CPEB3: variants seen among roughly 807,000 people sequenced by gnomAD.
CPEB3 encodes the protein cytoplasmic polyadenylation element-binding protein 3.
Under a neutral mutation model 67.2 loss-of-function variants are expected in CPEB3, and 20 were observed. That is an observed-to-expected ratio of 0.30 (90% CI 0.21 to 0.43). The LOEUF is 0.43. CPEB3 is among the 20% of genes least tolerant of loss of function. The pLI is 1.00. For missense variants in CPEB3, 746 were observed against 968.6 expected, an observed-to-expected ratio of 0.77 and a Z score of 3.05; for synonymous variants, 376 against 393.1, an observed-to-expected ratio of 0.96 and a Z score of 0.51.
rs144354899 is a variant in CPEB3, at chr10:92,215,260, C to A, written c.1006-22624G>T. The stretch of plus-strand genomic sequence containing the variant: ...TTCAACCTCCTGGGTTCAATCGATT[C>A]TCCTGCCTCTGCCTCCTAAGTAGCT... On this transcript the variant is annotated intron_variant, in intron 2 of 9. Transcript: ENST00000265997. Among the ~76,000 whole-genome samples, 259 of 149,072 alleles carry A rather than the reference C, an allele frequency of 1.7e-3. 1 individual carries two copies. The highest frequency in any genetic ancestry group is 3.8e-3 in the Middle Eastern group (1 of 266).
intron 1 of CPEB3, among the ~76,000 whole-genome samples, chr10:92,247,874 C>A (rs550103010): frequency 1.3e-5 from 2 of 152,092 alleles, no homozygotes; most frequent in African/African-American, 4.8e-5. Context: ...AAACCACTGC[C>A]CCCCATCCTT....
At chr10:92,142,520 T>C (rs888549886) in intron 6 of CPEB3, among the ~76,000 whole-genome samples, 3 of 152,186 alleles carry the variant, frequency 2.0e-5, no homozygotes, top group African/African-American at 4.8e-5. Context: ...AGCAAGGTCA[T>C]ATGGAGTGTC....
chr10:92,096,881 G>A (rs1166183767), intron 7 of CPEB3, among the ~76,000 whole-genome samples: 2 of 152,228 alleles, frequency 1.3e-5, no homozygotes, highest in Admixed American at 1.3e-4. Flanking sequence ...GGGAGGCAGA[G>A]GTTGCAGTGA....
At chr10:92,187,015 T>C (rs1419045158) in intron 3 of CPEB3, among the ~76,000 whole-genome samples, 1 of 152,168 alleles carries the variant, frequency 6.6e-6, no homozygotes, top group African/African-American at 2.4e-5. Flanking sequence ...AAAGAGACAG[T>C]ATATTTTTCT....
chr10:92,269,581 G>A (rs1853211486), intron 1 of CPEB3, among the ~76,000 whole-genome samples: 1 of 152,022 alleles, frequency 6.6e-6, no homozygotes, highest in Non-Finnish European at 1.5e-5. Flanking sequence ...TGTTTGTGAT[G>A]GAGTCTCGTT....
At chr10:92,073,897 A>G (rs903047422) in intron 9 of CPEB3, among the ~76,000 whole-genome samples, 11 of 152,202 alleles carry the variant, frequency 7.2e-5, no homozygotes, top group East Asian at 3.9e-4. Flanking sequence ...TCATGCCTAA[A>G]GTTAAGTCCA....
At chr10:92,242,888 C>T (rs1301190859) in intron 1 of CPEB3, among the ~76,000 whole-genome samples, 1 of 152,112 alleles carries the variant, frequency 6.6e-6, no homozygotes, top group African/African-American at 2.4e-5. Flanking sequence ...CAAGACCCAC[C>T]TTTAATAAAT....
At chr10:92,288,935 A>C (rs1355866834) in intron 1 of CPEB3, among the ~76,000 whole-genome samples, 1 of 152,160 alleles carries the variant, frequency 6.6e-6, no homozygotes, top group African/African-American at 2.4e-5. Context: ...AAGGAGCAAA[A>C]AATAATAATT....
At chr10:92,259,472 A>C (rs973212154) in intron 1 of CPEB3, among the ~76,000 whole-genome samples, 1 of 151,968 alleles carries the variant, frequency 6.6e-6, no homozygotes, top group Admixed American at 6.6e-5. Context: ...GTGGTGGCAC[A>C]TGCCTATAAT....
At chr10:92,100,604 T>C (rs975693703) in intron 7 of CPEB3, among the ~76,000 whole-genome samples, 2 of 151,016 alleles carry the variant, frequency 1.3e-5, no homozygotes, top group African/African-American at 4.9e-5. Context: ...TTTTTTGTTT[T>C]GTTTTGAGAC....
intron 1 of CPEB3, among the ~76,000 whole-genome samples, chr10:92,246,293 C>A (rs1852063306): frequency 6.7e-6 from 1 of 149,500 alleles, no homozygotes; most frequent in Admixed American, 6.7e-5. Flanking sequence ...AAGATCGCGC[C>A]ACTGCACTCC....
chr10:92,277,060 G>A (rs749853259), intron 1 of CPEB3, among the ~76,000 whole-genome samples: 11 of 152,008 alleles, frequency 7.2e-5, no homozygotes, highest in South Asian at 4.2e-4. Context: ...ATATATTCCC[G>A]TTCAGATATG....
intron 3 of CPEB3, among the ~76,000 whole-genome samples, chr10:92,181,944 T>C (rs1848479496): frequency 1.3e-5 from 2 of 152,184 alleles, no homozygotes; most frequent in Non-Finnish European, 2.9e-5. Context: ...TCATTAATTA[T>C]TTGGGACAAG....
At chr10:92,272,831 C>T (rs559139039) in intron 1 of CPEB3, among the ~76,000 whole-genome samples, 73 of 152,142 alleles carry the variant, frequency 4.8e-4, no homozygotes, top group Non-Finnish European at 7.8e-4. Context: ...AGGTGAGTAA[C>T]GTGATCAGGA....
chr10:92,110,988 C>G, intron 7 of CPEB3, 88 bp downstream of exon 7: 1 of 970,586 alleles, frequency 1.0e-6, no homozygotes, highest in Non-Finnish European at 1.7e-6. Flanking sequence ...TCCTAGTTAC[C>G]AGCATTTCCA....
At chr10:92,140,763 T>A (rs1232927834) in intron 6 of CPEB3, among the ~76,000 whole-genome samples, 3 of 118,692 alleles carry the variant, frequency 2.5e-5, no homozygotes, top group East Asian at 4.7e-4. Context: ...GAATCTACAA[T>A]GAACTCAAAC....
intron 1 of CPEB3, among the ~76,000 whole-genome samples, chr10:92,278,746 G>A (rs113095822): frequency 9.9e-5 from 15 of 151,474 alleles, no homozygotes; most frequent in African/African-American, 3.1e-4. Context: ...GATTACAGGC[G>A]CCCACCACCA....
At chr10:92,234,274 T>C (rs1851419402) in intron 2 of CPEB3, among the ~76,000 whole-genome samples, 4 of 152,160 alleles carry the variant, frequency 2.6e-5, no homozygotes, top group Middle Eastern at 3.2e-3. Flanking sequence ...CTTCCTATTT[T>C]GGGACTTTGA....
At chr10:92,109,488 G>A (rs184932969) in intron 7 of CPEB3, among the ~76,000 whole-genome samples, 383 of 152,102 alleles carry the variant, frequency 2.5e-3, no homozygotes, top group African/African-American at 3.9e-3. Context: ...TCCTGACCTC[G>A]TGATCCACCC....
Sources: gnomAD v4.1 joint callset for allele counts (sites outside exome capture counted in the v4.1 genomes callset) on GRCh38, gnomAD v4.1.1 for gene constraint, MANE v1.5 for transcripts, NCBI Gene and HGNC (gene_info 2026-07-23, HGNC 2026-07-21) for gene names.